The following SLK variants were observed in gnomAD, a reference collection of about 807,000 sequenced individuals.
SLK encodes the protein STE20 like kinase, also known as STE20-like serine/threonine-protein kinase.
Under a neutral mutation model 147.7 loss-of-function variants are expected in SLK, and 67 were observed. The observed-to-expected ratio is 0.45, with a 90% CI of 0.37 to 0.56. SLK has a LOEUF of 0.56. Ranked by LOEUF, SLK falls within the 20% of genes least tolerant of loss-of-function variation. SLK has a pLI of 0.00. For missense variants in SLK, 1,136 were observed against 1,438.8 expected, an observed-to-expected ratio of 0.79 and a Z score of 3.41; for synonymous variants, 441 against 475.0, an observed-to-expected ratio of 0.93 and a Z score of 0.93.
In SLK at chr10:104,005,708, C is replaced by T. The variant is rs750707544; in HGVS notation, c.2480+17C>T. ...GTTTCTTAGGTGAGTAGAGAAACAA[C>T]GTAATTAAAACTGGTTTGTGACTTC... On this transcript the variant is annotated intron_variant, in intron 10 of 18. Transcript: ENST00000369755. The T allele has an allele frequency of 8.7e-6, 14 of 1,603,894 alleles. No homozygotes were observed. Among genetic ancestry groups the T allele is most frequent in the Admixed American group, 1.7e-5 (1 of 58,320 alleles).
intron 4 of SLK, among the ~76,000 whole-genome samples, chr10:103,996,524 G>T (rs995570328): frequency 5.3e-5 from 8 of 150,004 alleles, no homozygotes; most frequent in Non-Finnish European, 1.2e-4. Flanking sequence ...TCAGCCTCCC[G>T]AGTAGCTGGG....
At chr10:103,980,575 G>A (rs1843928055) in intron 1 of SLK, among the ~76,000 whole-genome samples, 1 of 152,060 alleles carries the variant, frequency 6.6e-6, no homozygotes, top group Admixed American at 6.5e-5. Flanking sequence ...TCATTAAATG[G>A]AATCATACAG....
At chr10:103,979,165 GC>G (rs1843909298) in intron 1 of SLK, among the ~76,000 whole-genome samples, 1 of 152,076 alleles carries the variant, frequency 6.6e-6, no homozygotes, top group East Asian at 1.9e-4. Flanking sequence ...ACAGGCGCCC[GC>G]CACCACACCC....
chr10:104,010,402 C>T (rs924102117), intron 12 of SLK, among the ~76,000 whole-genome samples: 1 of 152,146 alleles, frequency 6.6e-6, no homozygotes, highest in South Asian at 2.1e-4. Flanking sequence ...AAATTTTGCA[C>T]TTTTATAAAT....
intron 6 of SLK, among the ~76,000 whole-genome samples, chr10:103,999,608 T>G (rs1487513040): frequency 6.6e-6 from 1 of 152,190 alleles, no homozygotes; most frequent in Non-Finnish European, 1.5e-5. Context: ...TGAAATTTAT[T>G]AGAAATTTTG....
chr10:103,985,902 A>G (rs1197892423), intron 1 of SLK, among the ~76,000 whole-genome samples: 1 of 152,176 alleles, frequency 6.6e-6, no homozygotes, highest in Non-Finnish European at 1.5e-5. Context: ...CAGACAACTT[A>G]TGTTTCCCAG....
intron 17 of SLK, 99 bp downstream of exon 17, chr10:104,020,712 C>T: frequency 1.6e-6 from 2 of 1,290,200 alleles, no homozygotes; most frequent in East Asian, 2.4e-5. Context: ...CTGCATCATA[C>T]ACGAACATGC....
chr10:104,001,534 A>G lies in SLK; in HGVS notation c.955A>G (p.Lys319Glu). Residue 319 changes from lysine (K) to glutamate (E), a missense_variant, in exon 8 of 19, where the codon AAA becomes GAA. Coordinates refer to ENST00000369755, the MANE Select transcript of SLK (RefSeq NM_014720.4). ...AGTAACAGAAGAAGTTGAAGATGGC[A>G]AAGAGGAAGATGAAGAGGAGGAAAC... is the stretch of plus-strand genomic sequence containing the variant. ...AEVTEEVEDGKEEDEEEETEN... is the reference protein window; with the variant it reads ...AEVTEEVEDGEEEDEEEETEN... The G allele has an allele frequency of 6.2e-7, 1 of 1,613,852 alleles. No homozygotes were observed. Among genetic ancestry groups the G allele is most frequent in the Non-Finnish European group, 8.5e-7 (1 of 1,179,770 alleles).
At chr10:103,991,246 A>G (rs796549900) in intron 2 of SLK, among the ~76,000 whole-genome samples, 18 of 152,276 alleles carry the variant, frequency 1.2e-4, no homozygotes, top group African/African-American at 4.3e-4. Flanking sequence ...AAACTGTAAA[A>G]TACTAGAAAT....
At chr10:104,020,367 C>T (rs1589547703) in intron 16 of SLK, 121 bp from the exon 17 acceptor site, 1 of 939,046 alleles carries the variant, frequency 1.1e-6, no homozygotes, top group Non-Finnish European at 1.6e-6. Context: ...TGAGTCTCAG[C>T]ATATTATTAC....
In SLK at chr10:103,999,967, AGC is replaced by A. The variant is rs1455193835; in HGVS notation, c.864+20_864+21del. On this transcript the variant is annotated intron_variant, in intron 7 of 18. Coordinates refer to ENST00000369755, the MANE Select transcript of SLK (RefSeq NM_014720.4). Reference sequence around the variant, plus strand: ...GCTGCAGGTAAGAGAGTATGACAACAGCAAATAATATAATTATTTTAACATCT... The same window carrying A: ...GCTGCAGGTAAGAGAGTATGACAACAAAATAATATAATTATTTTAACATCT... 4 of 1,071,468 alleles carry A rather than the reference AGC, an allele frequency of 3.7e-6. No homozygotes were observed. In the African/African-American group the frequency reaches 6.5e-5, roughly 17 times the overall value. 66.4% of individuals were successfully genotyped at this position (1,071,468 alleles called of 1,614,324 possible). A position where few individuals can be genotyped will look rare whatever the true frequency, so the allele number is the denominator to read the frequency against.
chr10:103,984,923 A>G (rs1843992910), intron 1 of SLK, among the ~76,000 whole-genome samples: 1 of 152,222 alleles, frequency 6.6e-6, no homozygotes, highest in Admixed American at 6.5e-5. Flanking sequence ...ATTTCAGCAG[A>G]TCAACTCTTT....
At chr10:104,014,080 T>G (rs1240005441) in intron 13 of SLK, among the ~76,000 whole-genome samples, 1 of 152,216 alleles carries the variant, frequency 6.6e-6, no homozygotes, top group East Asian at 1.9e-4. Flanking sequence ...TTCATGTTTC[T>G]CAAGAAAATA....
At chr10:103,975,232 T>C (rs1295941531) in intron 1 of SLK, among the ~76,000 whole-genome samples, 1 of 152,034 alleles carries the variant, frequency 6.6e-6, no homozygotes, top group Non-Finnish European at 1.5e-5. Flanking sequence ...CTATTAGAGA[T>C]TTCTGCTTGG....
At position 104,027,465 on chromosome 10, in the gene SLK, C is replaced by T. The variant is rs1844613482; in HGVS notation, c.*1745C>T. On this transcript the variant is annotated 3_prime_UTR_variant, in exon 19 of 19. Coordinates refer to ENST00000369755, the MANE Select transcript of SLK (RefSeq NM_014720.4). ...TACAAAACTCTTAATGCTTTATTCT[C>T]AAATGCTGGGTTGAAAAATGTTTTG... 2 of 152,386 alleles carry T rather than the reference C, an allele frequency of 1.3e-5. No individual in the cohort carries two copies. Among genetic ancestry groups the T allele is most frequent in the Non-Finnish European group, 2.9e-5 (2 of 68,010 alleles). The allele number at this position is 152,386 out of a possible 1,614,324, so 9.4% of individuals were successfully genotyped here.
At chr10:104,014,423 C>T (rs541182977) in intron 13 of SLK, among the ~76,000 whole-genome samples, 3 of 152,240 alleles carry the variant, frequency 2.0e-5, no homozygotes, top group South Asian at 2.1e-4. Context: ...TTGTTTGTGA[C>T]GTCTGATATA....
intron 1 of SLK, 131 bp from the exon 2 acceptor site, chr10:103,990,544 A>G (rs983588596): frequency 7.8e-6 from 4 of 512,730 alleles, no homozygotes; most frequent in African/African-American, 6.1e-5. Flanking sequence ...CTCTTGACAC[A>G]CTATTTTTAA....
rs552323874 is a variant in SLK at position 104,027,356 on chromosome 10, G to A, written c.*1636G>A. 1 of 152,442 alleles carries A rather than the reference G, an allele frequency of 6.6e-6. No individual in the cohort carries two copies. Among genetic ancestry groups the A allele is most frequent in the Non-Finnish European group, 1.5e-5 (1 of 67,972 alleles). The allele number at this position is 152,442 out of a possible 1,614,324, so 9.4% of individuals were successfully genotyped here. The stretch of plus-strand genomic sequence containing the variant: ...GTAGCCTTAACTTCTGGCCAAGTTT[G>A]TTTTTTATATAAATATATATACATA... On this transcript the variant is annotated 3_prime_UTR_variant, in exon 19 of 19. Coordinates refer to ENST00000369755, the MANE Select transcript of SLK (RefSeq NM_014720.4).
rs759457794 is a variant in SLK, at chr10:103,992,574, T to C, written c.316-24T>C. The C allele has an allele frequency of 1.5e-3, 33 of 22,686 alleles. No homozygotes were observed. In the South Asian group the frequency reaches 0.022, roughly 15 times the overall value. The allele number at this position is 22,686 out of a possible 1,614,324, so 1.4% of individuals were successfully genotyped here. A position where few individuals can be genotyped will look rare whatever the true frequency, so the allele number is the denominator to read the frequency against. The stretch of plus-strand genomic sequence containing the variant: ...ACTCCATGTAGTTTTAGACACACGC[T>C]TTTTTTTTTTTTTTTGCATGCAGAT... On this transcript the variant is annotated intron_variant, in intron 2 of 18. Transcript: ENST00000369755.
Sources: gnomAD v4.1 joint callset for allele counts (sites outside exome capture counted in the v4.1 genomes callset) on GRCh38, gnomAD v4.1.1 for gene constraint, MANE v1.5 for transcripts, NCBI Gene and HGNC (gene_info 2026-07-23, HGNC 2026-07-21) for gene names.